The following ELMO1 variants were observed in gnomAD, a reference collection of about 807,000 sequenced individuals.
ELMO1 encodes engulfment and cell motility protein 1.
In ELMO1, 26 loss-of-function variants were observed where a neutral mutation model predicts 98.9. The ratio of observed to expected loss-of-function variants is 0.26; its 90% CI spans 0.19 to 0.36. ELMO1 has a LOEUF of 0.36. Ranked by LOEUF, ELMO1 falls within the 10% of genes least tolerant of loss-of-function variation. The pLI, the probability that ELMO1 is intolerant of heterozygous loss-of-function variation, is 1.00. For missense variants in ELMO1, 627 were observed against 935.2 expected (o/e 0.67, Z 4.30); for synonymous variants, 346 against 346.0 (o/e 1.00, Z 0.00).
chr7:37,111,646 C>G (rs1381094678), intron 14 of ELMO1, among the ~76,000 whole-genome samples: 1 of 152,212 alleles, frequency 6.6e-6, no homozygotes, highest in Non-Finnish European at 1.5e-5. Context: ...TTTACTTGAC[C>G]TTTCTGAGCC....
intron 13 of ELMO1, among the ~76,000 whole-genome samples, chr7:37,184,370 G>A (rs539300044): frequency 6.6e-6 from 1 of 152,292 alleles, no homozygotes; most frequent in South Asian, 2.1e-4. Context: ...TTCAGAGTCA[G>A]AGATGTGGGG....
chr7:37,054,633 T>A (rs1327602519), intron 15 of ELMO1, among the ~76,000 whole-genome samples: 1 of 152,204 alleles, frequency 6.6e-6, no homozygotes, highest in Non-Finnish European at 1.5e-5. Flanking sequence ...CAATTCAAGG[T>A]AAATTTAAAA....
chr7:36,976,529 A>G (rs73342263), intron 16 of ELMO1, among the ~76,000 whole-genome samples: 4,665 of 152,322 alleles, frequency 0.031, 210 homozygotes, highest in African/African-American at 0.094. Flanking sequence ...CAAGAGAAGT[A>G]TCCCATTGGG....
At chr7:36,932,816 C>A (rs778338315) in intron 16 of ELMO1, among the ~76,000 whole-genome samples, 2 of 152,202 alleles carry the variant, frequency 1.3e-5, no homozygotes, top group Non-Finnish European at 2.9e-5. Context: ...GTGCTCCATT[C>A]ATCACTGAGT....
At chr7:37,431,342 T>TTA (rs112926197) in intron 1 of ELMO1, among the ~76,000 whole-genome samples, 8 of 132,438 alleles carry the variant, frequency 6.0e-5, no homozygotes, top group East Asian at 2.0e-4. Flanking sequence ...GTCTCTAAAA[T>TTA]AAAAAAAAAT....
chr7:37,298,357 G>C (rs1798165097), intron 4 of ELMO1, among the ~76,000 whole-genome samples: 1 of 142,918 alleles, frequency 7.0e-6, no homozygotes, highest in African/African-American at 2.6e-5. Flanking sequence ...CATTGTGCAG[G>C]TTAGTTACAT....
At chr7:37,092,985 G>A (rs1304379768) in intron 15 of ELMO1, among the ~76,000 whole-genome samples, 1 of 150,724 alleles carries the variant, frequency 6.6e-6, no homozygotes, top group East Asian at 1.9e-4. Context: ...GTAGGTGCAA[G>A]TAAGTCTTCC....
chr7:37,135,931 G>A (rs1428539770), intron 13 of ELMO1, among the ~76,000 whole-genome samples: 1 of 152,162 alleles, frequency 6.6e-6, no homozygotes, highest in Non-Finnish European at 1.5e-5. Flanking sequence ...AGTTACTCAA[G>A]GAGGCGGCAG....
At chr7:36,882,965 C>T (rs1028720975) in intron 18 of ELMO1, among the ~76,000 whole-genome samples, 1 of 152,180 alleles carries the variant, frequency 6.6e-6, no homozygotes, top group Non-Finnish European at 1.5e-5. Flanking sequence ...TTTATACCTG[C>T]CTTTTTGTAA....
At chr7:36,966,854 G>A (rs988763325) in intron 16 of ELMO1, among the ~76,000 whole-genome samples, 2 of 152,226 alleles carry the variant, frequency 1.3e-5, no homozygotes, top group Non-Finnish European at 1.5e-5. Flanking sequence ...TAACCATCTG[G>A]AAAACATGAT....
chr7:37,170,612 TTGC>T (rs1790084683), intron 13 of ELMO1, among the ~76,000 whole-genome samples: 2 of 148,792 alleles, frequency 1.3e-5, no homozygotes, highest in South Asian at 4.2e-4. Flanking sequence ...CCTTCCTTGC[TTGC>T]TTTTTTTTTT....
chr7:37,154,034 C>A (rs1392766903), intron 13 of ELMO1, among the ~76,000 whole-genome samples: 1 of 152,164 alleles, frequency 6.6e-6, no homozygotes, highest in Non-Finnish European at 1.5e-5. Context: ...CTGGAGTGGA[C>A]CTCCAGCAAA....
intron 4 of ELMO1, among the ~76,000 whole-genome samples, chr7:37,309,271 T>G (rs1262780040): frequency 1.3e-5 from 2 of 152,042 alleles, no homozygotes; most frequent in Non-Finnish European, 2.9e-5. Flanking sequence ...TATAGAACCA[T>G]CAGCTCTCAA....
At chr7:37,287,780 C>T (rs914527793) in intron 4 of ELMO1, among the ~76,000 whole-genome samples, 1 of 152,152 alleles carries the variant, frequency 6.6e-6, no homozygotes, top group Non-Finnish European at 1.5e-5. Context: ...TAGTCAACAT[C>T]GACAATTTCT....
intron 16 of ELMO1, among the ~76,000 whole-genome samples, chr7:36,993,109 G>C (rs1423827694): frequency 6.6e-6 from 1 of 152,166 alleles, no homozygotes; most frequent in East Asian, 1.9e-4. Context: ...AGAAACTAGA[G>C]ATGAAGGCAG....
At chr7:37,067,729 A>G (rs1251483451) in intron 15 of ELMO1, among the ~76,000 whole-genome samples, 1 of 152,118 alleles carries the variant, frequency 6.6e-6, no homozygotes, top group African/African-American at 2.4e-5. Flanking sequence ...AAACTCACAT[A>G]ATCTTTCTTT....
chr7:36,981,383 G>A (rs1423979535), intron 16 of ELMO1, among the ~76,000 whole-genome samples: 1 of 151,888 alleles, frequency 6.6e-6, no homozygotes, highest in Non-Finnish European at 1.5e-5. Flanking sequence ...CTTTTGGGGA[G>A]TGAAGATATA....
chr7:37,292,632 T>C (rs1329723820), intron 4 of ELMO1, among the ~76,000 whole-genome samples: 74 of 89,844 alleles, frequency 8.2e-4, no homozygotes, highest in African/African-American at 1.1e-3. Context: ...CGTCTCTGCC[T>C]GGACGCCCCG....
intron 15 of ELMO1, among the ~76,000 whole-genome samples, chr7:37,081,598 G>C (rs567046788): frequency 6.6e-6 from 1 of 152,288 alleles, no homozygotes; most frequent in African/African-American, 2.4e-5. Flanking sequence ...CAAGTCTCAC[G>C]AGACAAGGGG....
Sources: gnomAD v4.1 joint callset for allele counts (sites outside exome capture counted in the v4.1 genomes callset) on GRCh38, gnomAD v4.1.1 for gene constraint, MANE v1.5 for transcripts, NCBI Gene and HGNC (gene_info 2026-07-23, HGNC 2026-07-21) for gene names.